The following MIIP variants were observed in gnomAD, a reference collection of about 807,000 sequenced individuals.
The protein encoded by MIIP is migration and invasion inhibitory protein.
Under a neutral mutation model 44.8 loss-of-function variants are expected in MIIP, and 44 were observed. That is an observed-to-expected ratio of 0.98 (90% CI 0.77 to 1.26). MIIP has a LOEUF of 1.26. Among genes scored for constraint, MIIP ranks in the 50% most tolerant of loss-of-function variants. MIIP has a pLI of 0.00. For synonymous variants in MIIP, 225 were observed against 218.3 expected, an observed-to-expected ratio of 1.03 and a Z score of -0.27; for missense variants, 496 against 511.7, an observed-to-expected ratio of 0.97 and a Z score of 0.30.
intron 8 of MIIP, 163 bp from the exon 9 acceptor site, chr1:12,031,103 T>C: frequency 1.2e-6 from 1 of 816,480 alleles, no homozygotes; most frequent in East Asian, 2.7e-5. Context: ...TCTGCCAGGA[T>C]AAGAAAGGGG....
rs1245784126 is a variant in MIIP, at chr1:12,021,853, C to A, written c.114+13C>A. On this transcript the variant is annotated intron_variant, in intron 2 of 9. Transcript: ENST00000235332. ...GGCAGCCTCGGAGGTGCGTGCCCGC[C>A]TTGGGAACCCCAGAGGAAGGGGCTA... The A allele has an allele frequency of 6.3e-7, 1 of 1,585,046 alleles. No individual in the cohort carries two copies. Among genetic ancestry groups the A allele is most frequent in the South Asian group, 1.1e-5 (1 of 87,810 alleles).
chr1:12,026,925 C>T (rs569333966), intron 4 of MIIP, among the ~76,000 whole-genome samples: 3 of 152,210 alleles, frequency 2.0e-5, no homozygotes, highest in South Asian at 2.1e-4. Flanking sequence ...CCTGTTTTCT[C>T]GATAACAAAA....
rs774930886 is a variant in MIIP at position 12,022,128 on chromosome 1, G to A, written c.148G>A (p.Glu50Lys). 2 of 1,614,024 alleles carry A rather than the reference G, an allele frequency of 1.2e-6. No homozygotes were observed. The highest frequency in any genetic ancestry group is 3.3e-5 in the Admixed American group (2 of 60,014). The change falls in exon 3 of 10, where the codon GAG (glutamate) becomes AAG (lysine). Residue 50 changes from glutamate to lysine, a missense_variant. By Grantham distance (56) the Glu-to-Lys change is moderately conservative (BLOSUM62 1). Transcript: ENST00000235332. ...GGAATCCAGCAGCAGCTACAACTCA[G>A]AGACTCCATCGACCCCAGAGACGTC... ...SLESSSSYNS[E>K]TPSTPETSST...
chr1:12,021,170 G>A (rs1557547735), intron 1 of MIIP, among the ~76,000 whole-genome samples: 1 of 151,904 alleles, frequency 6.6e-6, no homozygotes, highest in Non-Finnish European at 1.5e-5. Flanking sequence ...CGAGGCAGGC[G>A]GATCACAAGG....
chr1:12,031,496 A>G, intron 9 of MIIP, 93 bp downstream of exon 9: 1 of 1,562,718 alleles, frequency 6.4e-7, no homozygotes, highest in Admixed American at 1.8e-5. Context: ...CCTGGGGGGT[A>G]GGATTGAGGT....
intron 8 of MIIP, among the ~76,000 whole-genome samples, chr1:12,030,856 G>T (rs1184298109): frequency 6.6e-6 from 1 of 152,002 alleles, no homozygotes. Context: ...CCTAAATTGA[G>T]AGTAGGGCAG....
At position 12,022,845 on chromosome 1, in the gene MIIP, T is replaced by C. The variant is rs1313266970; in HGVS notation, c.475T>C (p.Phe159Leu). The C allele has an allele frequency of 1.2e-6, 2 of 1,605,634 alleles. No individual in the cohort carries two copies. The highest frequency in any genetic ancestry group is 8.5e-7 in the Non-Finnish European group (1 of 1,175,618). ...QSKLSKPRVT[F>L]SEESAVPKRS... ...CTTCCTTCCTCAGCCCAGGGTGACC[T>C]TCTCTGAGGAGTCTGCAGTTCCTAA... Residue 159 changes from phenylalanine (F) to leucine (L), a missense_variant, in exon 4 of 10, where the codon TTC becomes CTC. Coordinates refer to ENST00000235332, the MANE Select transcript of MIIP (RefSeq NM_021933.4).
In MIIP at chr1:12,031,896, C is replaced by T. The variant is rs1640253264; in HGVS notation, c.*88C>T. The T allele has an allele frequency of 6.0e-6, 8 of 1,341,026 alleles. No individual in the cohort carries two copies. Among genetic ancestry groups the T allele is most frequent in the South Asian group, 1.3e-5 (1 of 77,694 alleles). The allele number at this position is 1,341,026 out of a possible 1,614,324, so 83.1% of individuals were successfully genotyped here. ...CACCCAGGAGATGGAATCCCCTGCC[C>T]GCCCAGCTCAGGCCCAGCTGTCCTA... On this transcript the variant is annotated 3_prime_UTR_variant, in exon 10 of 10. Coordinates refer to ENST00000235332, the MANE Select transcript of MIIP (RefSeq NM_021933.4).
chr1:12,021,337 T>C (rs1449398689), intron 1 of MIIP, among the ~76,000 whole-genome samples: 1 of 148,718 alleles, frequency 6.7e-6, no homozygotes, highest in East Asian at 2.0e-4. Flanking sequence ...GAGCTTGCAG[T>C]GAGCCGAGAT....
intron 1 of MIIP, among the ~76,000 whole-genome samples, chr1:12,020,129 T>C (rs1639939589): frequency 6.6e-6 from 1 of 152,212 alleles, no homozygotes; most frequent in African/African-American, 2.4e-5. Context: ...GGGAAAGGCT[T>C]TCCAAGAACC....
Position 12,022,174 on chromosome 1 carries a change from C to T in MIIP, c.194C>T (p.Ser65Phe), listed in dbSNP as rs199916717. Residue 65 changes from serine to phenylalanine, a missense_variant, in exon 3 of 10, where the codon TCC becomes TTC. By Grantham distance (155) the Ser-to-Phe change is radical. Transcript: ENST00000235332. ...PETSSTSLST[S>F]CPRGRSSVWG... ...ACGTCCTCAACTTCCTTGAGCACCT[C>T]CTGCCCACGGGGCCGGTCCTCCGTG... 3 of 1,613,962 alleles carry T rather than the reference C, an allele frequency of 1.9e-6. No homozygotes were observed. Among genetic ancestry groups the T allele is most frequent in the Admixed American group, 3.3e-5 (2 of 59,998 alleles).
At chr1:12,028,876 G>T in intron 4 of MIIP, 157 bp from the exon 5 acceptor site, 1 of 619,204 alleles carries the variant, frequency 1.6e-6, no homozygotes. Context: ...CAGTCCCAGT[G>T]ACTGGAGGGG....
Position 12,021,856 on chromosome 1 carries a change from G to C in MIIP, c.114+16G>C, listed in dbSNP as rs764640950. 1 of 1,581,442 alleles carries C rather than the reference G, an allele frequency of 6.3e-7. No homozygotes were observed. The highest frequency in any genetic ancestry group is 8.6e-7 in the Non-Finnish European group (1 of 1,164,020). On this transcript the variant is annotated intron_variant, in intron 2 of 9. Coordinates refer to ENST00000235332, the MANE Select transcript of MIIP (RefSeq NM_021933.4). ...AGCCTCGGAGGTGCGTGCCCGCCTT[G>C]GGAACCCCAGAGGAAGGGGCTACCT...
rs375352476 is a variant in MIIP at position 12,029,853 on chromosome 1, C to A, written c.804C>A (p.Asp268Glu). Reference sequence around the variant, plus strand: ...GCCGCCTGTGCAGGACACCGCGAGACCAGCAGGGCCCTGGGACCCTGGCGC... The same window carrying A: ...GCCGCCTGTGCAGGACACCGCGAGAACAGCAGGGCCCTGGGACCCTGGCGC... ...TPCRLCRTPR[D>E]QQGPGTLAQP... The change falls in exon 7 of 10, where the codon GAC becomes GAA. Residue 268 changes from aspartate to glutamate, a missense_variant. Physicochemically the swap from Asp to Glu is conservative, Grantham distance 45. Coordinates refer to ENST00000235332, the MANE Select transcript of MIIP (RefSeq NM_021933.4). 5.6e-6 allele frequency: 9 copies of A among 1,613,190 alleles called. No homozygotes were observed. In the African/African-American group the frequency reaches 6.7e-5, roughly 12 times the overall value.
At chr1:12,030,233 C>T (rs1219427278) in intron 8 of MIIP, 109 bp downstream of exon 8, 1 of 1,047,558 alleles carries the variant, frequency 9.5e-7, no homozygotes, top group Admixed American at 2.1e-5. Context: ...AGGGTGAGCG[C>T]CCAAGTCTCT....
At chr1:12,022,568 A>G (rs1640006222) in intron 3 of MIIP, 126 bp downstream of exon 3, 1 of 852,252 alleles carries the variant, frequency 1.2e-6, no homozygotes, top group Non-Finnish European at 1.8e-6. Flanking sequence ...AGATACTGTG[A>G]GTTGGGTCTT....
At chr1:12,022,971 C>T (rs1046989388) in intron 4 of MIIP, 54 bp downstream of exon 4, 20 of 1,407,600 alleles carry the variant, frequency 1.4e-5, no homozygotes, top group Non-Finnish European at 1.9e-5. Context: ...GAGGTGGAGG[C>T]CTGGGATCCT....
At chr1:12,028,916 G>A (rs1475631857) in intron 4 of MIIP, 117 bp from the exon 5 acceptor site, 1 of 774,084 alleles carries the variant, frequency 1.3e-6, no homozygotes. Flanking sequence ...GCACAGTAGG[G>A]ATGAAGCAGG....
chr1:12,028,162 G>T (rs903691461), intron 4 of MIIP, among the ~76,000 whole-genome samples: 1 of 152,140 alleles, frequency 6.6e-6, no homozygotes, highest in African/African-American at 2.4e-5. Flanking sequence ...AGCCGAGGTC[G>T]CTCCACTGCA....
Sources: gnomAD v4.1 joint callset for allele counts (sites outside exome capture counted in the v4.1 genomes callset) on GRCh38, gnomAD v4.1.1 for gene constraint, MANE v1.5 for transcripts, NCBI Gene and HGNC (gene_info 2026-07-23, HGNC 2026-07-21) for gene names.